RPH3A: variants seen among roughly 807,000 people sequenced by gnomAD.
RPH3A encodes rabphilin 3A.
Under a neutral mutation model 102.2 loss-of-function variants are expected in RPH3A, and 48 were observed. The ratio of observed to expected loss-of-function variants is 0.47; its 90% CI spans 0.37 to 0.60. The LOEUF is 0.60. RPH3A is among the 20% of genes least tolerant of loss of function. The pLI, the probability that RPH3A is intolerant of heterozygous loss-of-function variation, is 0.00. For synonymous variants in RPH3A, 310 were observed against 324.3 expected, an observed-to-expected ratio of 0.96 and a Z score of 0.47; for missense variants, 781 against 910.1, an observed-to-expected ratio of 0.86 and a Z score of 1.83.
chr12:112,628,119 C>G (rs556009120), intron 1 of RPH3A, among the ~76,000 whole-genome samples: 1 of 152,134 alleles, frequency 6.6e-6, no homozygotes, highest in South Asian at 2.1e-4. Flanking sequence ...CCCCCTCCAA[C>G]AATGAGGATT....
Position 112,601,027 on chromosome 12 carries a change from C to T in RPH3A, c.-140+25708C>T, listed in dbSNP as rs537476736. ...ATCTCATGAGAGGCACTCATTATCA[C>T]GAGAACAACATGGGGGGAACCGCCC... On this transcript the variant is annotated intron_variant, in intron 1 of 21. Transcript: ENST00000543106. 1.1e-4 allele frequency among the ~76,000 whole-genome samples: 17 copies of T among 152,246 alleles called. No homozygotes were observed. In the South Asian group the frequency reaches 1.7e-3, roughly 15 times the overall value.
At chr12:112,578,742 C>T (rs1039130567) in intron 1 of RPH3A, among the ~76,000 whole-genome samples, 2 of 152,190 alleles carry the variant, frequency 1.3e-5, no homozygotes, top group African/African-American at 4.8e-5. Flanking sequence ...CAACTGCTTA[C>T]AGGGTCCGAG....
chr12:112,672,122 C>A (rs1292609175), intron 1 of RPH3A, among the ~76,000 whole-genome samples: 1 of 151,624 alleles, frequency 6.6e-6, no homozygotes, highest in Non-Finnish European at 1.5e-5. Flanking sequence ...AGTGTCAAAT[C>A]TGCAGGGCAG....
At chr12:112,873,848 G>A (rs1254098309) in intron 10 of RPH3A, 3 of 152,238 alleles carry the variant, frequency 2.0e-5, no homozygotes, top group Non-Finnish European at 4.4e-5. Flanking sequence ...TTCAGTGTCT[G>A]TCTCCTTCCT....
In RPH3A at chr12:112,874,580, C is replaced by T. The variant is rs79186267; in HGVS notation, c.797-504C>T. ...GATGAGTATCCAGCCCAGGGTCACA[C>T]AGGCCATATGGGAAACAGCAGGAAG... On this transcript the variant is annotated intron_variant, in intron 10 of 21. Coordinates refer to ENST00000389385, the MANE Select transcript of RPH3A (RefSeq NM_001143854.2). Among the ~76,000 whole-genome samples, 1,280 of 152,252 alleles carry T rather than the reference C, an allele frequency of 8.4e-3. 18 individuals carry two copies. Among genetic ancestry groups the T allele is most frequent in the East Asian group, 0.052 (268 of 5,190 alleles).
At chr12:112,854,952 T>G (rs2042386293) in intron 5 of RPH3A, among the ~76,000 whole-genome samples, 1 of 152,208 alleles carries the variant, frequency 6.6e-6, no homozygotes, top group Non-Finnish European at 1.5e-5. Flanking sequence ...AATTGATCGT[T>G]TCATATGTTT....
chr12:112,789,958 C>T (rs2041079559), upstream of RPH3A, among the ~76,000 whole-genome samples: 1 of 151,428 alleles, frequency 6.6e-6, no homozygotes, highest in African/African-American at 2.4e-5. Context: ...ACTGGACAGG[C>T]TGGGGTGGGA....
Position 112,886,256 on chromosome 12 carries a change from G to A in RPH3A, c.1437-1541G>A, listed in dbSNP as rs977618877. On this transcript the variant is annotated intron_variant, in intron 16 of 21. Transcript: ENST00000389385. ...GTTTGTCAGGATGAATTATCATGCC[G>A]TGACTGGTCCTTTTGGTCTCCTATG... is the stretch of plus-strand genomic sequence containing the variant. Among the ~76,000 whole-genome samples, 11 of 152,138 alleles carry A rather than the reference G, an allele frequency of 7.2e-5. No individual in the cohort carries two copies. The East Asian group carries it at 9.7e-4, about 13-fold the overall frequency.
intron 1 of RPH3A, among the ~76,000 whole-genome samples, chr12:112,750,960 T>C (rs996643793): frequency 2.6e-5 from 4 of 152,050 alleles, no homozygotes; most frequent in African/African-American, 9.7e-5. Flanking sequence ...GGGGACCATC[T>C]TGAAACCATG....
chr12:112,580,307 C>T (rs1259409756), intron 1 of RPH3A, among the ~76,000 whole-genome samples: 1 of 151,808 alleles, frequency 6.6e-6, no homozygotes, highest in Non-Finnish European at 1.5e-5. Context: ...ATCTCCCACG[C>T]CCTTCTTAAA....
intron 1 of RPH3A, among the ~76,000 whole-genome samples, chr12:112,762,369 A>G (rs765244202): frequency 6.6e-6 from 1 of 152,192 alleles, no homozygotes; most frequent in Non-Finnish European, 1.5e-5. Context: ...CTTTAGGTTC[A>G]CATTGACCTT....
intron 10 of RPH3A, chr12:112,874,776 A>G (rs2042765436): frequency 2.9e-6 from 1 of 342,432 alleles, no homozygotes; most frequent in African/African-American, 2.1e-5. Flanking sequence ...GATTATCTCC[A>G]TATACCAGGT....
At chr12:112,741,973 A>C (rs1321115031) in intron 1 of RPH3A, among the ~76,000 whole-genome samples, 1 of 152,214 alleles carries the variant, frequency 6.6e-6, no homozygotes, top group African/African-American at 2.4e-5. Flanking sequence ...GTATATAAGC[A>C]GTGCGCTAAA....
chr12:112,831,994 G>T, intron 3 of RPH3A: 3 of 262,686 alleles, frequency 1.1e-5, no homozygotes, highest in South Asian at 7.0e-5. Context: ...AAATTTTCTA[G>T]TTCTAGAAAA....
rs1170673105 is a variant in RPH3A at position 112,897,031 on chromosome 12, G to A, written c.*251G>A. 1.1e-5 allele frequency: 5 copies of A among 464,328 alleles called. No homozygotes were observed. In the South Asian group the frequency reaches 1.5e-4, roughly 14 times the overall value. The allele number at this position is 464,328 out of a possible 1,614,324, so 28.8% of individuals were successfully genotyped here. A position where few individuals can be genotyped will look rare whatever the true frequency, so the allele number is the denominator to read the frequency against. On this transcript the variant is annotated 3_prime_UTR_variant, in exon 22 of 22. Transcript: ENST00000389385. ...ATGGAGCAATGGGGATGGGGTTGGG[G>A]AGACGTTTACAAAGAGGTTGATCAT... is the stretch of plus-strand genomic sequence containing the variant.
At chr12:112,764,038 G>A (rs1229254515) in intron 1 of RPH3A, among the ~76,000 whole-genome samples, 1 of 152,186 alleles carries the variant, frequency 6.6e-6, no homozygotes, top group Non-Finnish European at 1.5e-5. Flanking sequence ...ACCTTGGCAG[G>A]ATATTTGAGG....
intron 1 of RPH3A, among the ~76,000 whole-genome samples, chr12:112,677,495 C>T (rs1374743764): frequency 7.6e-6 from 1 of 131,842 alleles, no homozygotes; most frequent in Non-Finnish European, 1.6e-5. Flanking sequence ...CCCTCTTTCT[C>T]TTTTTTAGAG....
At chr12:112,896,582 C>T in intron 21 of RPH3A, 68 bp from the exon 22 acceptor site, 2 of 1,583,270 alleles carry the variant, frequency 1.3e-6, no homozygotes, top group Admixed American at 1.8e-5. Flanking sequence ...TTTTCCCCAA[C>T]TACACATTTG....
chr12:112,641,934 A>G (rs1292306567), intron 1 of RPH3A, among the ~76,000 whole-genome samples: 2 of 152,146 alleles, frequency 1.3e-5, no homozygotes, highest in African/African-American at 4.8e-5. Flanking sequence ...ACTGTGGGTT[A>G]TATTATTTCT....
Sources: gnomAD v4.1 joint callset for allele counts (sites outside exome capture counted in the v4.1 genomes callset) on GRCh38, gnomAD v4.1.1 for gene constraint, MANE v1.5 for transcripts, NCBI Gene and HGNC (gene_info 2026-07-23, HGNC 2026-07-21) for gene names.